The following DENND2B variants were observed in gnomAD, a reference collection of about 807,000 sequenced individuals.
DENND2B encodes the protein DENN domain-containing protein 2B.
In DENND2B, 32 loss-of-function variants were observed where a neutral mutation model predicts 116.0. The ratio of observed to expected loss-of-function variants is 0.28; its 90% confidence interval spans 0.21 to 0.37. The LOEUF is 0.37. DENND2B is among the 10% of genes least tolerant of loss of function. DENND2B has a pLI of 1.00. For synonymous variants in DENND2B, 588 were observed against 583.9 expected, an observed-to-expected ratio of 1.01 and a Z score of -0.10; for missense variants, 1,276 against 1,477.7, an observed-to-expected ratio of 0.86 and a Z score of 2.24.
chr11:8,879,321 C>A (rs1450449933), intron 2 of DENND2B, among the ~76,000 whole-genome samples: 1 of 152,214 alleles, frequency 6.6e-6, no homozygotes, highest in Admixed American at 6.5e-5. Context: ...ACCAATACCT[C>A]CCTACTGATC....
chr11:8,751,597 C>A (rs2052509098), intron 1 of DENND2B, among the ~76,000 whole-genome samples: 1 of 142,886 alleles, frequency 7.0e-6, no homozygotes, highest in African/African-American at 2.6e-5. Flanking sequence ...CCGAACACAT[C>A]CGAACATCAG....
chr11:8,817,432 T>TA (rs1449507377), intron 4 of DENND2B, among the ~76,000 whole-genome samples: 1 of 152,048 alleles, frequency 6.6e-6, no homozygotes, highest in Admixed American at 6.5e-5. Flanking sequence ...GGCAGAGAAA[T>TA]ACCCATTCTG....
chr11:8,864,028 T>G (rs1221817811), intron 2 of DENND2B, among the ~76,000 whole-genome samples: 2 of 152,098 alleles, frequency 1.3e-5, no homozygotes, highest in African/African-American at 2.4e-5. Context: ...AAGGGGATAT[T>G]ATGCTAACTA....
At chr11:8,755,823 AGTGATG>A (rs1416826069) in intron 1 of DENND2B, among the ~76,000 whole-genome samples, 2 of 152,216 alleles carry the variant, frequency 1.3e-5, no homozygotes, top group African/African-American at 4.8e-5. Flanking sequence ...GCATAACATT[AGTGATG>A]GTGATGATGA....
intron 1 of DENND2B, among the ~76,000 whole-genome samples, chr11:8,904,453 C>CA (rs1236487740): frequency 6.6e-6 from 1 of 151,938 alleles, no homozygotes; most frequent in Non-Finnish European, 1.5e-5. Flanking sequence ...AGAGTATCTA[C>CA]AAAAAAACAA....
At chr11:8,826,054 A>G (rs144731124) in intron 4 of DENND2B, among the ~76,000 whole-genome samples, 206 of 152,350 alleles carry the variant, frequency 1.4e-3, no homozygotes, top group Non-Finnish European at 2.3e-3. Context: ...AACTGAGAAG[A>G]TAACACGTCT....
intron 3 of DENND2B, among the ~76,000 whole-genome samples, chr11:8,843,571 C>G (rs2062701921): frequency 6.6e-6 from 1 of 152,166 alleles, no homozygotes; most frequent in African/African-American, 2.4e-5. Context: ...CATTCTTGGC[C>G]TCACTTGCTC....
chr11:8,706,160 G>A (rs887075349), intron 13 of DENND2B, among the ~76,000 whole-genome samples: 1 of 152,186 alleles, frequency 6.6e-6, no homozygotes, highest in Non-Finnish European at 1.5e-5. Context: ...CGGGAGGATC[G>A]CTTGAGCCCG....
chr11:8,707,383 C>T lies in DENND2B; in HGVS notation c.2431-158G>A, dbSNP rs917382860. The T allele has an allele frequency of 1.2e-5, 12 of 983,094 alleles. No homozygotes were observed. The highest frequency in any genetic ancestry group is 1.6e-5 in the African/African-American group (1 of 61,008). The allele number at this position is 983,094 out of a possible 1,614,324, so 60.9% of individuals were successfully genotyped here. On this transcript the variant is annotated intron_variant, in intron 12 of 19. Transcript: ENST00000313726. The surrounding 1 kb of genome is among the most constrained non-coding windows in gnomAD (Gnocchi z 4.8). Reference sequence around the variant, plus strand: ...CATGATCTGCACACTCTACCCTTCCCGTTTTCCTTGGCACTCAGTGACTCC... The same window carrying T: ...CATGATCTGCACACTCTACCCTTCCTGTTTTCCTTGGCACTCAGTGACTCC...
intron 4 of DENND2B, among the ~76,000 whole-genome samples, chr11:8,836,260 G>A (rs1445867000): frequency 6.6e-6 from 1 of 151,420 alleles, no homozygotes; most frequent in East Asian, 1.9e-4. Context: ...CAATTATGGA[G>A]CTCTTCTGCC....
chr11:8,803,043 T>A (rs567708172), intron 1 of DENND2B, among the ~76,000 whole-genome samples: 13 of 152,352 alleles, frequency 8.5e-5, no homozygotes, highest in East Asian at 3.9e-4. Context: ...CTTGATTTCA[T>A]ACAACTTCAA....
At chr11:8,704,133 A>C (rs2042185852) in intron 13 of DENND2B, among the ~76,000 whole-genome samples, 1 of 152,144 alleles carries the variant, frequency 6.6e-6, no homozygotes, top group Non-Finnish European at 1.5e-5. Flanking sequence ...CCCTGCCTTC[A>C]AGGAGATCAA....
chr11:8,772,864 T>C (rs1362009407), intron 1 of DENND2B, among the ~76,000 whole-genome samples: 2 of 152,138 alleles, frequency 1.3e-5, no homozygotes, highest in Non-Finnish European at 2.9e-5. Flanking sequence ...CCCAACTCCT[T>C]GGGTATGCTT....
intron 1 of DENND2B, chr11:8,776,305 C>CTT: frequency 2.2e-6 from 1 of 448,698 alleles, no homozygotes; most frequent in Non-Finnish European, 4.5e-6. Context: ...TTCCTCTCTG[C>CTT]TTATCCAACT....
At chr11:8,882,032 C>T (rs1159110601) in intron 1 of DENND2B, among the ~76,000 whole-genome samples, 2 of 152,072 alleles carry the variant, frequency 1.3e-5, no homozygotes, top group Non-Finnish European at 2.9e-5. Context: ...CTACACAGCC[C>T]ATCCTGGACA....
At position 8,742,937 on chromosome 11, in the gene DENND2B, G is replaced by A. The variant is rs375829511; in HGVS notation, c.80+7684C>T. Among the ~76,000 whole-genome samples, 12 of 152,284 alleles carry A rather than the reference G, an allele frequency of 7.9e-5. No individual in the cohort carries two copies. In the East Asian group the frequency reaches 1.7e-3, roughly 22 times the overall value. ...AAATTAGCCAGGCATGGTGGTGCAT[G>A]GCTGTAATCCCAGCTACTTGGGAGG... On this transcript the variant is annotated intron_variant, in intron 2 of 19. Transcript: ENST00000313726.
intron 2 of DENND2B, among the ~76,000 whole-genome samples, chr11:8,863,497 T>C (rs1466065290): frequency 2.6e-5 from 4 of 152,228 alleles, no homozygotes; most frequent in Non-Finnish European, 4.4e-5. Context: ...CCTCCTAAAG[T>C]GCTGGGATTA....
At chr11:8,849,251 G>A (rs920095313) in intron 3 of DENND2B, among the ~76,000 whole-genome samples, 1 of 152,050 alleles carries the variant, frequency 6.6e-6, no homozygotes, top group African/African-American at 2.4e-5. Context: ...CCAGCACTTT[G>A]GGAGGCCAAG....
At chr11:8,821,560 CAGAG>C (rs1264242263) in intron 4 of DENND2B, among the ~76,000 whole-genome samples, 5 of 145,348 alleles carry the variant, frequency 3.4e-5, no homozygotes, top group Non-Finnish European at 6.0e-5. Context: ...GCCCAGGAGA[CAGAG>C]AGAGATCCTG....
Sources: gnomAD v4.1 joint callset for allele counts (sites outside exome capture counted in the v4.1 genomes callset) on GRCh38, gnomAD v4.1.1 for gene constraint, Gnocchi (gnomAD v3.1) non-coding constraint, MANE v1.5 for transcripts, NCBI Gene and HGNC (gene_info 2026-07-23, HGNC 2026-07-21) for gene names.